The following DNPEP variants were observed in gnomAD, a reference collection of about 807,000 sequenced individuals.
DNPEP encodes the protein aspartyl aminopeptidase.
DNPEP carries 46 observed loss-of-function variants against 59.1 expected under a neutral mutation model. That is an observed-to-expected ratio of 0.78 (90% confidence interval 0.61 to 0.99). DNPEP has a LOEUF of 0.99. DNPEP is among the 50% of genes least tolerant of loss of function. The pLI, the probability that DNPEP is intolerant of heterozygous loss-of-function variation, is 0.00. For missense variants in DNPEP, 617 were observed against 649.9 expected (o/e 0.95, Z 0.55); for synonymous variants, 229 against 242.2 (o/e 0.95, Z 0.50).
At chr2:219,397,112 G>A (rs2125154441) in intron 1 of DNPEP, among the ~76,000 whole-genome samples, 1 of 152,160 alleles carries the variant, frequency 6.6e-6, no homozygotes, top group East Asian at 1.9e-4. Flanking sequence ...TTATGAGCGT[G>A]GGCTCAGGAT....
At chr2:219,386,838 G>C (rs1338896595) in intron 3 of DNPEP, 54 bp downstream of exon 3, 7 of 1,609,084 alleles carry the variant, frequency 4.4e-6, no homozygotes, top group Non-Finnish European at 6.0e-6. Context: ...GGCACACAGG[G>C]CTTGGAGACC....
intron 13 of DNPEP, 75 bp from the exon 14 acceptor site, chr2:219,375,097 T>G (rs765159687): frequency 1.3e-6 from 2 of 1,524,534 alleles, no homozygotes; most frequent in Non-Finnish European, 1.8e-6. Flanking sequence ...CATCTTAGAA[T>G]TGCAGGGTGG....
At chr2:219,375,885 T>G (rs1326765437) in intron 13 of DNPEP, among the ~76,000 whole-genome samples, 4 of 152,154 alleles carry the variant, frequency 2.6e-5, no homozygotes, top group African/African-American at 9.7e-5. Flanking sequence ...ACTTTTTTCT[T>G]GCTATGTCCA....
chr2:219,373,251 A>C lies in DNPEP; in HGVS notation c.*1041T>G. Among the ~76,000 whole-genome samples, 1 of 151,104 alleles carries C rather than the reference A, an allele frequency of 6.6e-6. No individual in the cohort carries two copies. The highest frequency in any genetic ancestry group is 1.5e-5 in the Non-Finnish European group (1 of 67,890). On this transcript the variant is annotated 3_prime_UTR_variant, in exon 15 of 15. Transcript: ENST00000273075. ...GCCCGGCTAATTTTGTATTTTTAGC[A>C]GGGACAGGGTTTCTCCATGTTGGTC...
chr2:219,384,722 C>T (rs1953739121), intron 8 of DNPEP: 1 of 282,416 alleles, frequency 3.5e-6, no homozygotes, highest in Non-Finnish European at 6.8e-6. Flanking sequence ...GCATGCACCA[C>T]CAGGCCCAGC....
chr2:219,395,001 G>A (rs1427928186), intron 1 of DNPEP, among the ~76,000 whole-genome samples: 1 of 151,968 alleles, frequency 6.6e-6, no homozygotes, highest in Non-Finnish European at 1.5e-5. Flanking sequence ...TGTTGCCCAG[G>A]CTGGAGTGCA....
chr2:219,385,847 G>C lies in DNPEP; in HGVS notation c.590+121C>G, dbSNP rs915815789. On this transcript the variant is annotated intron_variant, in intron 6 of 14. Coordinates refer to ENST00000273075, the MANE Select transcript of DNPEP (RefSeq NM_012100.4). ...ACTCCCCAAATCACAAGGCTGTGAG[G>C]ACCCTTAGAAATTAACTGGGTCCCA... is the stretch of plus-strand genomic sequence containing the variant. The C allele has an allele frequency of 6.5e-5, 96 of 1,473,470 alleles. 2 individuals are homozygous for C. In the Middle Eastern group the frequency reaches 1.3e-3, roughly 20 times the overall value. The allele number at this position is 1,473,470 out of a possible 1,614,324, so 91.3% of individuals were successfully genotyped here.
rs764869549 is a variant in DNPEP, at chr2:219,372,485, C to A, written c.*1807G>T. 3.6e-4 allele frequency among the ~76,000 whole-genome samples: 55 copies of A among 152,114 alleles called. No homozygotes were observed. Among genetic ancestry groups the A allele is most frequent in the Non-Finnish European group, 6.5e-4 (44 of 68,022 alleles). On this transcript the variant is annotated 3_prime_UTR_variant, in exon 15 of 15. Transcript: ENST00000273075. ...GGCTCAAGCTATTCTCCTGCCTCAG[C>A]CTCCCGAGTAGCTGGGATTACAGGC... is the stretch of plus-strand genomic sequence containing the variant.
At chr2:219,383,061 G>T in intron 10 of DNPEP, 70 bp downstream of exon 10, 1 of 1,456,274 alleles carries the variant, frequency 6.9e-7, no homozygotes. Context: ...GCTCACGGTG[G>T]ATGCCTGGCA....
intron 13 of DNPEP, among the ~76,000 whole-genome samples, chr2:219,380,926 A>G (rs6753971): frequency 0.86 from 130,725 of 151,826 alleles, 58,925 homozygotes; most frequent in Non-Finnish European, 0.99. Context: ...TTGGAGTTCC[A>G]TACTCCCCAG....
chr2:219,374,341 C>T lies in DNPEP; in HGVS notation c.1409G>A (p.Gly470Asp), dbSNP rs746528955. The T allele has an allele frequency of 1.9e-6, 3 of 1,613,940 alleles. No homozygotes were observed. Among genetic ancestry groups the T allele is most frequent in the African/African-American group, 2.7e-5 (2 of 75,012 alleles). Residue 470 changes from glycine to aspartate, a missense_variant and splice_region_variant, in exon 15 of 15, where the codon GGC becomes GAC. Physicochemically the swap from Gly to Asp is moderately conservative, Grantham distance 94. Coordinates refer to ENST00000273075, the MANE Select transcript of DNPEP (RefSeq NM_012100.4). ...GVLQTLTLFKGFFELFPSLSH... is the reference protein window; with the variant it reads ...GVLQTLTLFKDFFELFPSLSH... ...TAGAGAAGGGAACAGCTCAAAGAAGCCCTATAATGGGAGGCAACATGGAGT... is the reference window on the plus strand; with the variant it reads ...TAGAGAAGGGAACAGCTCAAAGAAGTCCTATAATGGGAGGCAACATGGAGT...
intron 10 of DNPEP, 65 bp downstream of exon 10, chr2:219,383,066 C>G: frequency 6.7e-7 from 1 of 1,500,302 alleles, no homozygotes; most frequent in Non-Finnish European, 9.3e-7. Context: ...CGGTGGATGC[C>G]TGGCACAACA....
At chr2:219,391,570 GT>G (rs915181373), upstream of DNPEP, among the ~76,000 whole-genome samples, 27 of 151,872 alleles carry the variant, frequency 1.8e-4, no homozygotes, top group Non-Finnish European at 2.9e-5. Flanking sequence ...ATATAATTTA[GT>G]TTTTTTTAAT....
chr2:219,376,006 C>T (rs1208292346), intron 13 of DNPEP, among the ~76,000 whole-genome samples: 4 of 151,938 alleles, frequency 2.6e-5, no homozygotes, highest in African/African-American at 4.8e-5. Context: ...GTCTGGGGGG[C>T]GAAATGAACA....
chr2:219,395,549 G>A (rs1226258349), intron 1 of DNPEP, among the ~76,000 whole-genome samples: 3 of 152,216 alleles, frequency 2.0e-5, no homozygotes, highest in African/African-American at 4.8e-5. Flanking sequence ...CTGCCATTCA[G>A]GGTCATTCTC....
rs753959795 is a variant in DNPEP at position 219,382,056 on chromosome 2, C to A, written c.1020G>T (p.Pro340=). 1.9e-6 allele frequency: 3 copies of A among 1,614,016 alleles called. No homozygotes were observed. Among genetic ancestry groups the A allele is most frequent in the Admixed American group, 3.3e-5 (2 of 59,998 alleles). ...TGGGTATGGCTTCCTCGAAGGCTGT[C>A]GGGTGCTGGCACGAGGCTGAGATCC... ...LRRISASCQH[P]TAFEEAIPKS... The change falls in exon 11 of 15, where the codon CCG becomes CCT. Residue 340 remains proline, a synonymous_variant. Coordinates refer to ENST00000273075, the MANE Select transcript of DNPEP (RefSeq NM_012100.4).
chr2:219,376,438 A>G (rs944218218), intron 13 of DNPEP, among the ~76,000 whole-genome samples: 6 of 151,288 alleles, frequency 4.0e-5, no homozygotes, highest in African/African-American at 1.5e-4. Flanking sequence ...CAGTGAGCTG[A>G]GATTGCGACA....
chr2:219,386,656 G>A lies in DNPEP; in HGVS notation c.333+9C>T, dbSNP rs769780020. 9 of 1,607,970 alleles carry A rather than the reference G, an allele frequency of 5.6e-6. No individual in the cohort carries two copies. In the Admixed American group the frequency reaches 1.0e-4, roughly 18 times the overall value. On this transcript the variant is annotated intron_variant, in intron 4 of 14. Coordinates refer to ENST00000273075, the MANE Select transcript of DNPEP (RefSeq NM_012100.4). Reference sequence around the variant, plus strand: ...CTCCTCCCACCCCAACACCGTCCGAGTTCCTTACCCGGAGGCAGGGGCTGT... The same window carrying A: ...CTCCTCCCACCCCAACACCGTCCGAATTCCTTACCCGGAGGCAGGGGCTGT...
chr2:219,384,498 TC>T, intron 8 of DNPEP, 55 bp from the exon 9 acceptor site: 1 of 1,484,660 alleles, frequency 6.7e-7, no homozygotes, highest in Non-Finnish European at 9.3e-7. Context: ...CACTCACCTT[TC>T]TTTTGCTCCC....
Sources: allele counts gnomAD v4.1 joint callset (sites outside exome capture counted in the v4.1 genomes callset), GRCh38; gene constraint gnomAD v4.1.1; transcripts MANE v1.5; gene names NCBI Gene and HGNC (gene_info 2026-07-23, HGNC 2026-07-21).